The following AGRN variants were observed in gnomAD, a reference collection of about 807,000 sequenced individuals.
AGRN encodes the protein agrin, also known as agrin proteoglycan.
Under a neutral mutation model 211.0 loss-of-function variants are expected in AGRN, and 106 were observed. That is an observed-to-expected ratio of 0.50 (90% CI 0.43 to 0.59). The LOEUF (loss-of-function observed/expected upper bound fraction) is 0.59, where lower values mean the gene tolerates loss of function less well. Among genes scored for constraint, AGRN ranks in the 20% least tolerant of loss-of-function variants. The pLI, the probability that AGRN is intolerant of heterozygous loss-of-function variation, is 0.00. For synonymous variants in AGRN, 1,525 were observed against 1,332.5 expected (o/e 1.14, Z -3.15); for missense variants, 3,040 against 2,982.6 (o/e 1.02, Z -0.45).
chr1:1,031,057 T>A lies in AGRN; in HGVS notation c.464-4220T>A. ...TGCTGTGAGTGTATCAGCATGTGTG[T>A]GTGTGCAGTGCATGGTGCTGTGAGT... is the stretch of plus-strand genomic sequence containing the variant. On this transcript the variant is annotated intron_variant, in intron 2 of 35. Transcript: ENST00000379370. The surrounding 1 kb of genome is among the most constrained non-coding windows in gnomAD (Gnocchi z 4.8). 7.2e-6 allele frequency among the ~76,000 whole-genome samples: 1 copy of A among 139,602 alleles called. No individual in the cohort carries two copies. Among genetic ancestry groups the A allele is most frequent in the Non-Finnish European group, 1.5e-5 (1 of 65,772 alleles). The allele number at this position is 139,602 out of a possible 152,430, so 91.6% of individuals were successfully genotyped here.
chr1:1,051,682 G>A, intron 32 of AGRN, 37 bp downstream of exon 32: 3 of 1,613,048 alleles, frequency 1.9e-6, no homozygotes, highest in Non-Finnish European at 2.5e-6. Flanking sequence ...GAGGCCGGAT[G>A]GGCCCGGAGC....
At chr1:1,023,386 G>A (rs1469715133) in intron 2 of AGRN, among the ~76,000 whole-genome samples, 2 of 152,170 alleles carry the variant, frequency 1.3e-5, no homozygotes, top group Non-Finnish European at 2.9e-5. Flanking sequence ...AATAAGGAAC[G>A]CTGCGGCCTT....
chr1:1,052,870 T>G, intron 33 of AGRN: 1 of 156,104 alleles, frequency 6.4e-6, no homozygotes, highest in South Asian at 2.0e-4. Flanking sequence ...TGTGTGTATA[T>G]GTGGGGGAGA....
At chr1:1,052,041 C>T in intron 33 of AGRN, 1 of 1,500,562 alleles carries the variant, frequency 6.7e-7, no homozygotes, top group Non-Finnish European at 9.0e-7. Flanking sequence ...GCGCCCCCCG[C>T]TCCCTCTCAC....
At position 1,051,071 on chromosome 1, in the gene AGRN, G is replaced by T. The variant is rs573173581; in HGVS notation, c.5254-182G>T. 24 of 1,548,090 alleles carry T rather than the reference G, an allele frequency of 1.6e-5. No individual in the cohort carries two copies. In the Admixed American group the frequency reaches 2.4e-4, roughly 15 times the overall value. On this transcript the variant is annotated intron_variant, in intron 30 of 35. Transcript: ENST00000379370. ...ACTGTCGGCCTCTCATCCGCTCACC[G>T]TCTCTGGCGCCTCAACCCCTAGGGT...
chr1:1,040,652 C>T lies in AGRN; in HGVS notation c.512-13C>T. 1 of 1,547,068 alleles carries T rather than the reference C, an allele frequency of 6.5e-7. No individual in the cohort carries two copies. Among genetic ancestry groups the T allele is most frequent in the Non-Finnish European group, 8.7e-7 (1 of 1,146,300 alleles). ...GTCTCGGCACCCTGAGCTTTCTCCC[C>T]TACCCGCCCCAGCGTGCCGGGGAAT... is the stretch of plus-strand genomic sequence containing the variant. On this transcript the variant is annotated splice_polypyrimidine_tract_variant and intron_variant, in intron 3 of 35. Transcript: ENST00000379370.
Position 1,048,475 on chromosome 1 carries a change from T to G in AGRN, c.4105+110T>G. ...TTGAGTTGGGGGCAGGAGCCCGGATTAAGGCGGGGTTTCGGCCAGATGCGG... is the reference window on the plus strand; with the variant it reads ...TTGAGTTGGGGGCAGGAGCCCGGATGAAGGCGGGGTTTCGGCCAGATGCGG... On this transcript the variant is annotated intron_variant, in intron 23 of 35. Coordinates refer to ENST00000379370, the MANE Select transcript of AGRN (RefSeq NM_198576.4). This position sits in a 1 kb window ranked among gnomAD's most constrained non-coding sequence, Gnocchi z 5.9. 2 of 982,892 alleles carry G rather than the reference T, an allele frequency of 2.0e-6. No individual in the cohort carries two copies. Among genetic ancestry groups the G allele is most frequent in the Non-Finnish European group, 1.4e-6 (1 of 694,660 alleles). The allele number at this position is 982,892 out of a possible 1,614,324, so 60.9% of individuals were successfully genotyped here.
intron 16 of AGRN, 30 bp from the exon 17 acceptor site, chr1:1,046,130 C>G (rs140837154): frequency 8.7e-6 from 14 of 1,613,946 alleles, no homozygotes; most frequent in African/African-American, 1.3e-5. Flanking sequence ...GAGGAGGCCT[C>G]GCCTTGAACA....
intron 7 of AGRN, 37 bp from the exon 8 acceptor site, chr1:1,043,202 G>A (rs369855405): frequency 6.4e-6 from 10 of 1,556,908 alleles, no homozygotes; most frequent in African/African-American, 5.4e-5. Context: ...GCGGAGGGGG[G>A]GCTTGTGGGA....
chr1:1,027,279 C>A (rs1369607724), intron 2 of AGRN, among the ~76,000 whole-genome samples: 1 of 152,222 alleles, frequency 6.6e-6, no homozygotes, highest in Non-Finnish European at 1.5e-5. Flanking sequence ...CACGTGCCTG[C>A]AGCCTCAGAT....
At position 1,046,645 on chromosome 1, in the gene AGRN, G is replaced by T; in HGVS notation, c.3160G>T (p.Ala1054Ser). The T allele has an allele frequency of 1.3e-6, 2 of 1,597,594 alleles. No individual in the cohort carries two copies. Among genetic ancestry groups the T allele is most frequent in the Non-Finnish European group, 1.7e-6 (2 of 1,177,424 alleles). Reference protein sequence around the residue: ...TAPSPAPSLVASAFGESGSTD... With the variant: ...TAPSPAPSLVSSAFGESGSTD... ...ACCCTCCCCTGCACCCAGCCTGGTG[G>T]CGTCCGCCTTTGGTGAATCTGGCAG... The change falls in exon 18 of 36, where the codon GCG becomes TCG. Residue 1054 changes from alanine (A) to serine (S), a missense_variant. This residue lies in a region of AGRN where 1,537 missense variants were observed against 1,505.0 expected (regional missense o/e 1.02). Transcript: ENST00000379370.
rs1644995529 is a variant in AGRN, at chr1:1,043,269, A to G, written c.1415A>G (p.Gln472Arg). ...DQAPSPCLGVQCAFGATCAVK... is the reference protein window; with the variant it reads ...DQAPSPCLGVRCAFGATCAVK... ...GCCCCGTCCCCATGCCTCGGGGTGC[A>G]GTGTGCATTTGGGGCGACGTGTGCT... The change falls in exon 8 of 36, where the codon CAG (glutamine) becomes CGG (arginine). Residue 472 changes from glutamine to arginine, a missense_variant. Gln to Arg is a conservative substitution (Grantham distance 43). Coordinates refer to ENST00000379370, the MANE Select transcript of AGRN (RefSeq NM_198576.4). 2 of 1,610,896 alleles carry G rather than the reference A, an allele frequency of 1.2e-6. No homozygotes were observed. Among genetic ancestry groups the G allele is most frequent in the African/African-American group, 1.3e-5 (1 of 74,862 alleles).
chr1:1,040,992 C>T (rs1485746724), intron 4 of AGRN, 112 bp downstream of exon 4: 1 of 276,968 alleles, frequency 3.6e-6, no homozygotes. Flanking sequence ...CGGGGCCCGG[C>T]GGGGAGGAGC....
rs780275897 is a variant in AGRN, at chr1:1,048,172, C to T, written c.3912C>T (p.Ala1304=). 10 of 1,577,754 alleles carry T rather than the reference C, an allele frequency of 6.3e-6. No homozygotes were observed. The highest frequency in any genetic ancestry group is 1.7e-4 in the Middle Eastern group (1 of 5,996). Residue 1304 remains alanine (A), a synonymous_variant, in exon 23 of 36, where the codon GCC becomes GCT. Coordinates refer to ENST00000379370, the MANE Select transcript of AGRN (RefSeq NM_198576.4). This position sits in a 1 kb window ranked among gnomAD's most constrained non-coding sequence, Gnocchi z 5.9. The part of the protein sequence containing the change: ...TSQPVAKTTA[A]PTTRRPPTTA... ...AGCCCGTTGCCAAGACCACGGCAGC[C>T]CCCACCACACGTCGGCCCCCCACCA...
intron 35 of AGRN, 105 bp from the exon 36 acceptor site, chr1:1,054,719 G>T: frequency 6.7e-7 from 1 of 1,503,570 alleles, no homozygotes; most frequent in South Asian, 1.2e-5. Flanking sequence ...GTGGGGCCGG[G>T]AGGCGGGTGC....
chr1:1,039,404 T>C (rs954879838), intron 3 of AGRN, among the ~76,000 whole-genome samples: 1 of 40,928 alleles, frequency 2.4e-5, no homozygotes, highest in East Asian at 2.5e-3. Context: ...CCCACCCTCC[T>C]TGGAGATGGG....
chr1:1,041,474 C>G lies in AGRN; in HGVS notation c.953-4C>G. 1 of 1,590,074 alleles carries G rather than the reference C, an allele frequency of 6.3e-7. No individual in the cohort carries two copies. The highest frequency in any genetic ancestry group is 8.5e-7 in the Non-Finnish European group (1 of 1,175,454). On this transcript the variant is annotated splice_polypyrimidine_tract_variant and splice_region_variant and intron_variant, in intron 5 of 35. Coordinates refer to ENST00000379370, the MANE Select transcript of AGRN (RefSeq NM_198576.4). The stretch of plus-strand genomic sequence containing the variant: ...GCGTCCTGACTCCTGCCCTCGACCC[C>G]CAGACCCCTGTCAGGGCGCCCTCCC...
chr1:1,054,559 T>G lies in AGRN; in HGVS notation c.5980+8T>G. On this transcript the variant is annotated splice_region_variant and intron_variant, in intron 35 of 35. Transcript: ENST00000379370. Reference sequence around the variant, plus strand: ...ATGGAGCCCTGTGGCTTGGTGAGTGTTTTGGGGAGACTAGAGAGGGATGCC... The same window carrying G: ...ATGGAGCCCTGTGGCTTGGTGAGTGGTTTGGGGAGACTAGAGAGGGATGCC... 1 of 1,581,942 alleles carries G rather than the reference T, an allele frequency of 6.3e-7. No individual in the cohort carries two copies. The highest frequency in any genetic ancestry group is 1.2e-5 in the South Asian group (1 of 86,600).
Position 1,054,428 on chromosome 1 carries a change from C to A in AGRN, c.5877-20C>A. 6.4e-7 allele frequency: 1 copy of A among 1,557,550 alleles called. No homozygotes were observed. Among genetic ancestry groups the A allele is most frequent in the Non-Finnish European group, 8.7e-7 (1 of 1,148,524 alleles). On this transcript the variant is annotated intron_variant, in intron 34 of 35. Coordinates refer to ENST00000379370, the MANE Select transcript of AGRN (RefSeq NM_198576.4). Reference sequence around the variant, plus strand: ...AGGGAACTCTGGGCCCTGATGGTCTCCCCCTCCCTGCACACCCAGGGAGCA... The same window carrying A: ...AGGGAACTCTGGGCCCTGATGGTCTACCCCTCCCTGCACACCCAGGGAGCA...
Sources: gnomAD v4.1 joint callset for allele counts (sites outside exome capture counted in the v4.1 genomes callset) on GRCh38, gnomAD v4.1.1 for gene constraint, gnomAD v4.1.1 regional missense constraint, Gnocchi (gnomAD v3.1) non-coding constraint, MANE v1.5 for transcripts, NCBI Gene and HGNC (gene_info 2026-07-23, HGNC 2026-07-21) for gene names.